FOXN2: variants seen among roughly 807,000 people sequenced by gnomAD.
FOXN2 encodes the protein forkhead box N2.
A neutral mutation model predicts 41.2 loss-of-function variants in FOXN2; 19 were observed. The ratio of observed to expected loss-of-function variants is 0.46; its 90% CI spans 0.32 to 0.68. The LOEUF is 0.68. FOXN2 is among the 30% of genes least tolerant of loss of function. FOXN2 has a pLI of 0.03. For missense variants in FOXN2, 587 were observed against 509.4 expected (o/e 1.15, Z -1.47); for synonymous variants, 195 against 176.8 (o/e 1.10, Z -0.82).
At chr2:48,323,543 A>C (rs1310582792) in intron 1 of FOXN2, among the ~76,000 whole-genome samples, 3 of 152,028 alleles carry the variant, frequency 2.0e-5, no homozygotes, top group Non-Finnish European at 2.9e-5. Flanking sequence ...TTGAAAAGTT[A>C]CTGATCATGC....
intron 2 of FOXN2, among the ~76,000 whole-genome samples, chr2:48,331,436 G>T (rs1185749885): frequency 6.6e-6 from 1 of 152,172 alleles, no homozygotes; most frequent in South Asian, 2.1e-4. Context: ...TAAAGGTATT[G>T]AACTCATAAT....
chr2:48,325,471 T>C (rs545993694), intron 1 of FOXN2, among the ~76,000 whole-genome samples: 1 of 152,286 alleles, frequency 6.6e-6, no homozygotes, highest in African/African-American at 2.4e-5. Flanking sequence ...ATAATGTGAG[T>C]GTATGTGGAA....
At chr2:48,368,895 A>G (rs1672705848) in intron 5 of FOXN2, among the ~76,000 whole-genome samples, 1 of 152,110 alleles carries the variant, frequency 6.6e-6, no homozygotes, top group Non-Finnish European at 1.5e-5. Flanking sequence ...ACTTTTTTTC[A>G]CAGTTAATTG....
At chr2:48,325,327 A>G (rs1553408255) in intron 1 of FOXN2, among the ~76,000 whole-genome samples, 1 of 152,212 alleles carries the variant, frequency 6.6e-6, no homozygotes, top group Non-Finnish European at 1.5e-5. Context: ...AATACTAGTA[A>G]AGTATTTACA....
At chr2:48,325,694 C>T (rs1428298190) in intron 1 of FOXN2, among the ~76,000 whole-genome samples, 2 of 152,090 alleles carry the variant, frequency 1.3e-5, no homozygotes, top group Non-Finnish European at 2.9e-5. Context: ...ACTAGCTCTG[C>T]CCTTATGAAG....
chr2:48,314,897 C>A (rs904475051), intron 1 of FOXN2, 83 bp downstream of exon 1: 10 of 151,856 alleles, frequency 6.6e-5, no homozygotes, highest in Non-Finnish European at 1.2e-4. Flanking sequence ...GCGGAGGCAG[C>A]GCGAGCGACC....
At chr2:48,341,291 A>G (rs1157710412) in intron 2 of FOXN2, among the ~76,000 whole-genome samples, 6 of 152,156 alleles carry the variant, frequency 3.9e-5, no homozygotes, top group Non-Finnish European at 8.8e-5. Flanking sequence ...TCATAAGACT[A>G]TAATTTTTAA....
At chr2:48,362,743 A>G (rs1246349409) in intron 5 of FOXN2, 36 bp downstream of exon 5, 6 of 1,558,942 alleles carry the variant, frequency 3.8e-6, no homozygotes, top group Non-Finnish European at 3.5e-6. Flanking sequence ...TGCACCACAC[A>G]ACAATCTTTT....
In FOXN2 at chr2:48,335,199, A is replaced by G. The variant is rs183610678; in HGVS notation, c.-15+6497A>G. 4.4e-3 allele frequency among the ~76,000 whole-genome samples: 663 copies of G among 152,352 alleles called. 2 individuals are homozygous for G. Among genetic ancestry groups the G allele is most frequent in the Non-Finnish European group, 7.9e-3 (538 of 68,032 alleles). ...TTATCAGATGTAAAATAGAAAACAA[A>G]TACGTTTAATATGTTCAGTAACAGG... On this transcript the variant is annotated intron_variant, in intron 2 of 6. Transcript: ENST00000340553.
At chr2:48,373,492 TTC>T (rs932857037) in intron 6 of FOXN2, 132 bp downstream of exon 6, 4 of 558,848 alleles carry the variant, frequency 7.2e-6, no homozygotes, top group Non-Finnish European at 1.3e-5. Context: ...GTAACTCAGT[TTC>T]TGTTTTATTA....
chr2:48,314,946 C>T (rs921205641), intron 1 of FOXN2, 132 bp downstream of exon 1: 1 of 152,000 alleles, frequency 6.6e-6, no homozygotes, highest in Non-Finnish European at 1.5e-5. Context: ...TGTCCCGTGA[C>T]GCGCCCGGAC....
chr2:48,317,939 T>G (rs1040640114), intron 1 of FOXN2, among the ~76,000 whole-genome samples: 2 of 152,106 alleles, frequency 1.3e-5, no homozygotes, highest in Admixed American at 1.3e-4. Flanking sequence ...TTTTATATCC[T>G]CTAAATGAGA....
intron 2 of FOXN2, among the ~76,000 whole-genome samples, chr2:48,345,971 C>T (rs1322508742): frequency 6.6e-6 from 1 of 152,104 alleles, no homozygotes; most frequent in South Asian, 2.1e-4. Context: ...CACCCATACA[C>T]CTGGTCCTAT....
rs1044440197 is a variant in FOXN2 at position 48,377,940 on chromosome 2, C to T, written c.*2497C>T. The T allele has an allele frequency of 3.9e-5, 6 of 151,928 alleles. No homozygotes were observed. Among genetic ancestry groups the T allele is most frequent in the African/African-American group, 1.2e-4 (5 of 41,398 alleles). The allele number at this position is 151,928 out of a possible 1,614,324, so 9.4% of individuals were successfully genotyped here. A position where few individuals can be genotyped will look rare whatever the true frequency, so the allele number is the denominator to read the frequency against. On this transcript the variant is annotated 3_prime_UTR_variant, in exon 7 of 7. Coordinates refer to ENST00000340553, the MANE Select transcript of FOXN2 (RefSeq NM_002158.4). The stretch of plus-strand genomic sequence containing the variant: ...AGTCCTATGGCCTGGAAATTGTATT[C>T]CCTATAATATACAAATTTTCCTGTA...
rs751958598 is a variant in FOXN2, at chr2:48,347,220, CTTTTTTTTTTT to C, written c.537+483_537+493del. On this transcript the variant is annotated intron_variant, in intron 3 of 6. Coordinates refer to ENST00000340553, the MANE Select transcript of FOXN2 (RefSeq NM_002158.4). The stretch of plus-strand genomic sequence containing the variant: ...CACTTTTGGTTTTGGTGTTTTGGTG[CTTTTTTTTTTT>C]TTTTTTTTTTTTTGTGAGACAGTCT... 4.0e-5 allele frequency among the ~76,000 whole-genome samples: 3 copies of C among 75,732 alleles called. No homozygotes were observed. The Admixed American group carries it at 5.5e-4, about 14-fold the overall frequency. The allele number at this position is 75,732 out of a possible 152,430, so 49.7% of individuals were successfully genotyped here. A position where few individuals can be genotyped will look rare whatever the true frequency, so the allele number is the denominator to read the frequency against.
chr2:48,371,561 C>G (rs1288235097), intron 5 of FOXN2, among the ~76,000 whole-genome samples: 1 of 151,980 alleles, frequency 6.6e-6, no homozygotes, highest in Non-Finnish European at 1.5e-5. Context: ...CAGTTTTGTT[C>G]TTTTTGCTCA....
At chr2:48,328,028 T>C (rs146672038) in intron 1 of FOXN2, among the ~76,000 whole-genome samples, 1 of 152,350 alleles carries the variant, frequency 6.6e-6, no homozygotes, top group Non-Finnish European at 1.5e-5. Context: ...GAATATACTT[T>C]TAAAAGATGC....
intron 4 of FOXN2, among the ~76,000 whole-genome samples, chr2:48,359,355 G>A (rs538831042): frequency 4.6e-5 from 7 of 152,072 alleles, no homozygotes; most frequent in Admixed American, 2.6e-4. Context: ...GTGCAGTAGC[G>A]AGATCTCGGC....
chr2:48,359,026 T>C, intron 3 of FOXN2, 21 bp from the exon 4 acceptor site: 3 of 1,569,694 alleles, frequency 1.9e-6, no homozygotes, highest in Non-Finnish European at 2.6e-6. Context: ...TTCCTAGTTA[T>C]TCTTGTGCAT....
Sources: gnomAD v4.1 joint callset for allele counts (sites outside exome capture counted in the v4.1 genomes callset) on GRCh38, gnomAD v4.1.1 for gene constraint, MANE v1.5 for transcripts, NCBI Gene and HGNC (gene_info 2026-07-23, HGNC 2026-07-21) for gene names.